FBXO41: variants seen among roughly 807,000 people sequenced by gnomAD.
The protein encoded by FBXO41 is F-box protein 41.
Under a neutral mutation model 81.6 loss-of-function variants are expected in FBXO41, and 33 were observed. The ratio of observed to expected loss-of-function variants is 0.40; its 90% confidence interval spans 0.31 to 0.54. FBXO41 has a LOEUF of 0.54. FBXO41 is among the 20% of genes least tolerant of loss of function. The probability of loss-of-function intolerance (pLI) is 0.39; values close to 1 mark genes in which losing one functional copy is unlikely to be tolerated. For synonymous variants in FBXO41, 576 were observed against 552.7 expected, an observed-to-expected ratio of 1.04 and a Z score of -0.59; for missense variants, 1,107 against 1,236.0, an observed-to-expected ratio of 0.90 and a Z score of 1.56.
At chr2:73,283,664 AAG>A (rs1411579236) in intron 1 of FBXO41, among the ~76,000 whole-genome samples, 9 of 152,204 alleles carry the variant, frequency 5.9e-5, no homozygotes, top group African/African-American at 2.2e-4. Flanking sequence ...ACTGGATGTG[AAG>A]AGACAGACAC....
Position 73,269,477 on chromosome 2 carries a change from C to A in FBXO41, c.154G>T (p.Ala52Ser). 1 of 1,279,350 alleles carries A rather than the reference C, an allele frequency of 7.8e-7. No homozygotes were observed. Among genetic ancestry groups the A allele is most frequent in the Non-Finnish European group, 9.9e-7 (1 of 1,009,818 alleles). The allele number at this position is 1,279,350 out of a possible 1,614,324, so 79.2% of individuals were successfully genotyped here. A position where few individuals can be genotyped will look rare whatever the true frequency, so the allele number is the denominator to read the frequency against. ...SKTNSICDGA[A>S]AAAAAAAAAS... ...GCGGCGGCGGCGGCCGCGGCGGCGG[C>A]GGCGCCGTCGCAGATGCTGTTGGTC... Residue 52 changes from alanine to serine, a missense_variant, in exon 2 of 13, where the codon GCC (alanine) becomes TCC (serine). By Grantham distance (99) the Ala-to-Ser change is moderately conservative. Around this residue, in one of 2 missense-constraint regions of FBXO41, gnomAD observed 771 missense variants for 789.2 expected, o/e 0.98. Transcript: ENST00000520530. The surrounding 1 kb of genome is among the most constrained non-coding windows in gnomAD (Gnocchi z 7.0).
chr2:73,263,425 C>T (rs1688091230), intron 8 of FBXO41, 117 bp from the exon 9 acceptor site: 3 of 817,142 alleles, frequency 3.7e-6, no homozygotes, highest in Non-Finnish European at 5.6e-6. Context: ...TCCAGACTAG[C>T]TTGGGCAATA....
Position 73,258,810 on chromosome 2 carries a change from G to C in FBXO41, c.*172C>G. The C allele has an allele frequency of 1.4e-6, 1 of 725,698 alleles. No homozygotes were observed. Among genetic ancestry groups the C allele is most frequent in the Non-Finnish European group, 2.2e-6 (1 of 454,760 alleles). The allele number at this position is 725,698 out of a possible 1,614,324, so 45.0% of individuals were successfully genotyped here. ...ACTGGGGAGGCAGTGCCCTGGGTCA[G>C]GCCTGTTGCTCTGCTGCTCCAGGAG... On this transcript the variant is annotated 3_prime_UTR_variant, in exon 13 of 13. Coordinates refer to ENST00000520530, the MANE Select transcript of FBXO41 (RefSeq NM_001371389.2).
chr2:73,268,682 C>A, intron 2 of FBXO41, 44 bp downstream of exon 2: 1 of 1,467,764 alleles, frequency 6.8e-7, no homozygotes, highest in Non-Finnish European at 9.1e-7. Flanking sequence ...GCACAGTGAC[C>A]CGCACAGGCA....
chr2:73,269,134 G>A lies in FBXO41; in HGVS notation c.497C>T (p.Ser166Leu), dbSNP rs892477964. ...GCCAGGCGGCGGCGTCGAGCACGCC[G>A]AGGACGCCACGGACTTGCGGGCGAA... ...ELFARKSVAS[S>L]ACSTPPPGPG... The change falls in exon 2 of 13, where the codon TCG becomes TTG. Residue 166 changes from serine to leucine, a missense_variant. Ser to Leu is a moderately radical substitution (Grantham distance 145). Coordinates refer to ENST00000520530, the MANE Select transcript of FBXO41 (RefSeq NM_001371389.2). The surrounding 1 kb of genome is among the most constrained non-coding windows in gnomAD (Gnocchi z 7.0). 2.0e-6 allele frequency: 3 copies of A among 1,519,822 alleles called. No individual in the cohort carries two copies. Among genetic ancestry groups the A allele is most frequent in the African/African-American group, 2.9e-5 (2 of 69,970 alleles). The allele number at this position is 1,519,822 out of a possible 1,614,324, so 94.1% of individuals were successfully genotyped here.
At chr2:73,263,548 C>G in intron 8 of FBXO41, 130 bp downstream of exon 8, 1 of 1,232,622 alleles carries the variant, frequency 8.1e-7, no homozygotes, top group Non-Finnish European at 1.1e-6. Context: ...CCAAGGCTTC[C>G]TTTCCTTCAG....
At position 73,265,592 on chromosome 2, in the gene FBXO41, G is replaced by A. The variant is rs1688227592; in HGVS notation, c.1254C>T (p.Asp418=). 1 of 1,537,002 alleles carries A rather than the reference G, an allele frequency of 6.5e-7. No homozygotes were observed. The highest frequency in any genetic ancestry group is 8.7e-7 in the Non-Finnish European group (1 of 1,144,294). ...PAASQSSGCY[D]SDSLELPRPE... Reference sequence around the variant, plus strand: ...GCCTGGGCAGCTCCAGACTGTCACTGTCATAGCAGCCTGAGCTCTGGGATG... The same window carrying A: ...GCCTGGGCAGCTCCAGACTGTCACTATCATAGCAGCCTGAGCTCTGGGATG... The change falls in exon 5 of 13, where the codon GAC becomes GAT. Residue 418 remains aspartate, a synonymous_variant. Transcript: ENST00000520530.
Position 73,259,143 on chromosome 2 carries a change from A to T in FBXO41, c.2565+38T>A, listed in dbSNP as rs765695065. On this transcript the variant is annotated intron_variant, in intron 12 of 12. Transcript: ENST00000520530. The surrounding 1 kb of genome is among the most constrained non-coding windows in gnomAD (Gnocchi z 4.2). ...TCACCAGCCCCAGTCTAGGGATGCC[A>T]CTTGGGGTCTTGGACAGCCTCAGAG... 1.7e-5 allele frequency: 27 copies of T among 1,612,396 alleles called. No homozygotes were observed. Among genetic ancestry groups the T allele is most frequent in the Non-Finnish European group, 2.3e-5 (27 of 1,178,528 alleles).
rs1021614260 is a variant in FBXO41 at position 73,265,713 on chromosome 2, C to CCATCAG, written c.1206-79_1206-74dup. The CCATCAG allele has an allele frequency of 2.8e-6, 4 of 1,443,192 alleles. No individual in the cohort carries two copies. The African/African-American group carries it at 5.7e-5, about 21-fold the overall frequency. The allele number at this position is 1,443,192 out of a possible 1,614,324, so 89.4% of individuals were successfully genotyped here. On this transcript the variant is annotated intron_variant, in intron 4 of 12. Coordinates refer to ENST00000520530, the MANE Select transcript of FBXO41 (RefSeq NM_001371389.2). ...ACCCAAACTCCCCATCCTGCCCCTA[C>CCATCAG]CATCAGCTGAGGGCAACCCACCCGC...
At chr2:73,261,283 T>C (rs1271243427) in intron 9 of FBXO41, among the ~76,000 whole-genome samples, 1 of 152,112 alleles carries the variant, frequency 6.6e-6, no homozygotes, top group African/African-American at 2.4e-5. Context: ...GGTCTCAAAC[T>C]CCTGGCCTCA....
chr2:73,260,707 C>T lies in FBXO41; in HGVS notation c.2290+33G>A. On this transcript the variant is annotated intron_variant, in intron 10 of 12. Coordinates refer to ENST00000520530, the MANE Select transcript of FBXO41 (RefSeq NM_001371389.2). The surrounding 1 kb of genome is among the most constrained non-coding windows in gnomAD (Gnocchi z 5.0). ...GCACTGCACCCATGCCTGCTTCCCA[C>T]TACCCACCACCCCAGTCCAAGGAAA... is the stretch of plus-strand genomic sequence containing the variant. The T allele has an allele frequency of 6.6e-7, 1 of 1,521,116 alleles. No individual in the cohort carries two copies. Among genetic ancestry groups the T allele is most frequent in the Non-Finnish European group, 8.9e-7 (1 of 1,126,594 alleles). The allele number at this position is 1,521,116 out of a possible 1,614,324, so 94.2% of individuals were successfully genotyped here.
rs960988105 is a variant in FBXO41 at position 73,284,239 on chromosome 2, C to T, written c.-218G>A. ...AGAGCCCCCGCGTGCCCGGTCCAGA[C>T]GCAGGGCCGCCTTGGGGCCTCGGAT... On this transcript the variant is annotated 5_prime_UTR_variant, in exon 1 of 13. Transcript: ENST00000520530. The surrounding 1 kb of genome is among the most constrained non-coding windows in gnomAD (Gnocchi z 7.4). 1.3e-5 allele frequency: 2 copies of T among 152,192 alleles called. No individual in the cohort carries two copies. The highest frequency in any genetic ancestry group is 3.9e-4 in the East Asian group (2 of 5,142). 9.4% of individuals were successfully genotyped at this position (152,192 alleles called of 1,614,324 possible).
chr2:73,277,312 G>A (rs1271717486), intron 1 of FBXO41, among the ~76,000 whole-genome samples: 1 of 152,202 alleles, frequency 6.6e-6, no homozygotes, highest in Non-Finnish European at 1.5e-5. Context: ...GCGTGAGCCT[G>A]AAGCTTTGCT....
chr2:73,282,623 G>C (rs1574395169), intron 1 of FBXO41, among the ~76,000 whole-genome samples: 2 of 152,098 alleles, frequency 1.3e-5, no homozygotes, highest in African/African-American at 4.8e-5. Context: ...GGATTGCTTG[G>C]GCCCGGAAGG....
At position 73,263,033 on chromosome 2, in the gene FBXO41, C is replaced by A. The variant is rs550350298; in HGVS notation, c.2171+180G>T. ...GTGCTGGGATTACAGGCGTGAGATA[C>A]CGTGCTCGACCAACCAGGTCTGATT... On this transcript the variant is annotated intron_variant, in intron 9 of 12. Coordinates refer to ENST00000520530, the MANE Select transcript of FBXO41 (RefSeq NM_001371389.2). Among the ~76,000 whole-genome samples, 154 of 152,338 alleles carry A rather than the reference C, an allele frequency of 1.0e-3. 2 individuals are homozygous for A. Among genetic ancestry groups the A allele is most frequent in the Admixed American group, 9.7e-3 (149 of 15,308 alleles).
chr2:73,270,491 A>C (rs1688460227), intron 1 of FBXO41, among the ~76,000 whole-genome samples: 1 of 152,160 alleles, frequency 6.6e-6, no homozygotes, highest in Admixed American at 6.5e-5. Flanking sequence ...AGTGACCAAG[A>C]CATCACTCTA....
intron 1 of FBXO41, among the ~76,000 whole-genome samples, chr2:73,273,654 C>T (rs553781218): frequency 6.6e-6 from 1 of 152,182 alleles, no homozygotes; most frequent in Non-Finnish European, 1.5e-5. Context: ...CTCTTGTGGC[C>T]ATTTTTGCCC....
In FBXO41 at chr2:73,266,856, T is replaced by A; in HGVS notation, c.906-174A>T. 9.7e-7 allele frequency: 1 copy of A among 1,029,992 alleles called. No individual in the cohort carries two copies. Among genetic ancestry groups the A allele is most frequent in the Non-Finnish European group, 1.3e-6 (1 of 771,930 alleles). The allele number at this position is 1,029,992 out of a possible 1,614,324, so 63.8% of individuals were successfully genotyped here. On this transcript the variant is annotated intron_variant, in intron 2 of 12. Transcript: ENST00000520530. The surrounding 1 kb of genome is among the most constrained non-coding windows in gnomAD (Gnocchi z 5.3). ...GCACACAGCCCCGCACGATGACACATACAGAAATGCATGCATGCACTCCGA... is the reference window on the plus strand; with the variant it reads ...GCACACAGCCCCGCACGATGACACAAACAGAAATGCATGCATGCACTCCGA...
At chr2:73,261,925 AATT>A (rs1558580365) in intron 9 of FBXO41, among the ~76,000 whole-genome samples, 1 of 152,158 alleles carries the variant, frequency 6.6e-6, no homozygotes, top group Non-Finnish European at 1.5e-5. Context: ...AATATAAAGA[AATT>A]ATTGCAAAGT....
Sources: allele counts gnomAD v4.1 joint callset (sites outside exome capture counted in the v4.1 genomes callset), GRCh38; gene constraint gnomAD v4.1.1; regional missense constraint gnomAD v4.1.1; non-coding constraint Gnocchi (gnomAD v3.1); transcripts MANE v1.5; gene names NCBI Gene and HGNC (gene_info 2026-07-23, HGNC 2026-07-21).